PVR: variants seen among roughly 807,000 people sequenced by gnomAD.
PVR encodes PVR cell adhesion molecule.
A neutral mutation model predicts 43.3 loss-of-function variants in PVR; 39 were observed. The ratio of observed to expected loss-of-function variants is 0.90; its 90% CI spans 0.70 to 1.18. The LOEUF (loss-of-function observed/expected upper bound fraction) is 1.18. PVR is among the 50% of genes most tolerant of loss of function. The pLI, the probability that PVR is intolerant of heterozygous loss-of-function variation, is 0.00. For missense variants in PVR, 480 were observed against 549.7 expected (o/e 0.87, Z 1.27); for synonymous variants, 224 against 233.2 (o/e 0.96, Z 0.36).
At chr19:44,645,140 ATAT>A (rs1236156188) in intron 1 of PVR, among the ~76,000 whole-genome samples, 3,291 of 43,116 alleles carry the variant, frequency 0.076, 289 homozygotes, top group African/African-American at 0.22. Context: ...TATATTATAT[ATAT>A]TATTATAATA....
intron 4 of PVR, among the ~76,000 whole-genome samples, chr19:44,655,035 G>T (rs1471045177): frequency 1.3e-5 from 2 of 152,176 alleles, no homozygotes; most frequent in African/African-American, 4.8e-5. Flanking sequence ...AAGGCAAAGA[G>T]ATAATACATA....
In PVR at chr19:44,647,372, G is replaced by A. The variant is rs558066119; in HGVS notation, c.229G>A (p.Val77Ile). 7 of 1,613,920 alleles carry A rather than the reference G, an allele frequency of 4.3e-6. No homozygotes were observed. Among genetic ancestry groups the A allele is most frequent in the South Asian group, 3.3e-5 (3 of 91,042 alleles). The change falls in exon 2 of 8, where the codon GTC becomes ATC. Residue 77 changes from valine (V) to isoleucine (I), a missense_variant. Val to Ile is a conservative substitution (Grantham distance 29, BLOSUM62 3). Coordinates refer to ENST00000425690, the MANE Select transcript of PVR (RefSeq NM_006505.5). ...ARHGESGSMAVFHQTQGPSYS... is the reference protein window; with the variant it reads ...ARHGESGSMAIFHQTQGPSYS... ...GCATGGTGAATCTGGCAGCATGGCC[G>A]TCTTCCACCAAACGCAGGGCCCCAG...
Position 44,663,149 on chromosome 19 carries a change from C to T in PVR, c.*1338C>T, listed in dbSNP as rs1973628847. ...TGCTCAGGACACGCTCCTATAGGAC[C>T]AAGATGGATGCGACCCAAGACCCAG... is the stretch of plus-strand genomic sequence containing the variant. On this transcript the variant is annotated 3_prime_UTR_variant, in exon 8 of 8. Coordinates refer to ENST00000425690, the MANE Select transcript of PVR (RefSeq NM_006505.5). 1 of 152,342 alleles carries T rather than the reference C, an allele frequency of 6.6e-6. No homozygotes were observed. Among genetic ancestry groups the T allele is most frequent in the South Asian group, 2.1e-4 (1 of 4,818 alleles). The allele number at this position is 152,342 out of a possible 1,614,324, so 9.4% of individuals were successfully genotyped here.
chr19:44,647,222 G>C lies in PVR; in HGVS notation c.80-1G>C. The C allele has an allele frequency of 6.5e-7, 1 of 1,535,414 alleles. No individual in the cohort carries two copies. On this transcript the variant is annotated splice_acceptor_variant, in intron 1 of 7. Coordinates refer to ENST00000425690, the MANE Select transcript of PVR (RefSeq NM_006505.5). LOFTEE classifies it high-confidence loss of function. The stretch of plus-strand genomic sequence containing the variant: ...GACACCTTCTCTTCGGTTCTCCGCA[G>C]GGGACGTCGTCGTGCAGGCGCCCAC...
intron 4 of PVR, among the ~76,000 whole-genome samples, chr19:44,655,357 G>A (rs547463347): frequency 1.1e-4 from 17 of 152,172 alleles, no homozygotes; most frequent in Non-Finnish European, 2.5e-4. Flanking sequence ...CTAAAGTGCT[G>A]GGATTACAGG....
chr19:44,659,634 T>C (rs1973543620), intron 6 of PVR, among the ~76,000 whole-genome samples: 1 of 151,976 alleles, frequency 6.6e-6, no homozygotes, highest in Non-Finnish European at 1.5e-5. Flanking sequence ...AGGCACGCAC[T>C]ACTATGCCCA....
chr19:44,647,645 CG>C (rs1226388737), intron 2 of PVR, 75 bp downstream of exon 2: 5 of 1,072,172 alleles, frequency 4.7e-6, no homozygotes, highest in Non-Finnish European at 6.2e-6. Context: ...TGGCAAAGAG[CG>C]GGGAGGCCTG....
chr19:44,647,009 C>T (rs1973135678), intron 1 of PVR, among the ~76,000 whole-genome samples: 1 of 152,202 alleles, frequency 6.6e-6, no homozygotes, highest in Non-Finnish European at 1.5e-5. Context: ...AGGAGCACGG[C>T]CAAGTTGCAG....
rs997295816 is a variant in PVR, at chr19:44,659,970, A to C, written c.1150+1070A>C. ...AAGCTTTTCCTTCAACCACTAAACA[A>C]AGCTGCTCCCTTACAACCCAGGCGG... On this transcript the variant is annotated intron_variant, in intron 6 of 7. Coordinates refer to ENST00000425690, the MANE Select transcript of PVR (RefSeq NM_006505.5). 2.0e-5 allele frequency among the ~76,000 whole-genome samples: 3 copies of C among 152,184 alleles called. No homozygotes were observed. In the East Asian group the frequency reaches 5.8e-4, roughly 29 times the overall value.
rs10421291 is a variant in PVR, at chr19:44,647,491, G to A, written c.348G>A (p.Glu116=). 13,863 of 1,614,064 alleles carry A rather than the reference G, an allele frequency of 8.6e-3. 1,025 individuals are homozygous for A. The African/African-American group carries it at 0.15, about 18-fold the overall frequency. The change falls in exon 2 of 8, where the codon GAG becomes GAA. Residue 116 remains glutamate (E), a synonymous_variant. Coordinates refer to ENST00000425690, the MANE Select transcript of PVR (RefSeq NM_006505.5). The part of the protein sequence containing the change: ...ASLRMFGLRV[E]DEGNYTCLFV... ...TGAGGATGTTCGGGTTGCGCGTAGAGGATGAAGGCAACTACACCTGCCTGT... is the reference window on the plus strand; with the variant it reads ...TGAGGATGTTCGGGTTGCGCGTAGAAGATGAAGGCAACTACACCTGCCTGT...
At chr19:44,653,814 C>A (rs903110482) in intron 3 of PVR, 86 bp from the exon 4 acceptor site, 79 of 907,242 alleles carry the variant, frequency 8.7e-5, no homozygotes, top group Non-Finnish European at 1.4e-4. Context: ...ATCCCCGGGC[C>A]TTTTCCTGCA....
Position 44,663,601 on chromosome 19 carries a change from G to A in PVR, c.*1790G>A, listed in dbSNP as rs952654226. On this transcript the variant is annotated 3_prime_UTR_variant, in exon 8 of 8. Coordinates refer to ENST00000425690, the MANE Select transcript of PVR (RefSeq NM_006505.5). ...TACCTCCAGCGGCTGTGTGCAATGG[G>A]GTCTTTTGTGGAAATCAAGGAGCAG... is the stretch of plus-strand genomic sequence containing the variant. The A allele has an allele frequency of 1.3e-5, 2 of 152,130 alleles. No individual in the cohort carries two copies. Among genetic ancestry groups the A allele is most frequent in the South Asian group, 2.1e-4 (1 of 4,830 alleles). 9.4% of individuals were successfully genotyped at this position (152,130 alleles called of 1,614,324 possible).
chr19:44,653,595 A>G (rs184932794), intron 3 of PVR: 37 of 291,626 alleles, frequency 1.3e-4, no homozygotes, highest in Admixed American at 2.5e-4. Context: ...GTCATTGCCT[A>G]TGAGTGAGAA....
intron 2 of PVR, 65 bp downstream of exon 2, chr19:44,647,635 T>C: frequency 4.4e-6 from 6 of 1,368,308 alleles, no homozygotes; most frequent in Non-Finnish European, 5.9e-6. Flanking sequence ...TCAGGGAAGT[T>C]GGCAAAGAGC....
In PVR at chr19:44,649,947, C is replaced by T. The variant is rs561763868; in HGVS notation, c.566C>T (p.Thr189Met). 108 of 1,610,048 alleles carry T rather than the reference C, an allele frequency of 6.7e-5. 1 individual carries two copies. The highest frequency in any genetic ancestry group is 6.3e-4 in the South Asian group (57 of 90,710). ...TCAGACCTGGGCGGGATGCCCAATA[C>T]GAGCCAGGTGCCAGGGTTCCTGTCT... ...WHSDLGGMPN[T>M]SQVPGFLSGT... Residue 189 changes from threonine to methionine, a missense_variant, in exon 3 of 8, where the codon ACG (threonine) becomes ATG (methionine). By Grantham distance (81) the Thr-to-Met change is moderately conservative. Transcript: ENST00000425690.
At chr19:44,644,310 G>T (rs113672371) in intron 1 of PVR, 135 bp downstream of exon 1, 3 of 646,102 alleles carry the variant, frequency 4.6e-6, no homozygotes, top group Admixed American at 4.0e-5. Flanking sequence ...CTGCCCCGGG[G>T]TTGGAAGGAA....
chr19:44,650,755 G>T (rs1266696340), intron 3 of PVR, among the ~76,000 whole-genome samples: 2 of 151,800 alleles, frequency 1.3e-5, no homozygotes, highest in Non-Finnish European at 2.9e-5. Context: ...TAGAGACAGG[G>T]TTTCATCATG....
At chr19:44,657,458 A>G (rs1159868575) in intron 4 of PVR, among the ~76,000 whole-genome samples, 1 of 152,190 alleles carries the variant, frequency 6.6e-6, no homozygotes, top group Non-Finnish European at 1.5e-5. Context: ...GGGCGAGGGC[A>G]GAAACGGAGC....
At position 44,665,641 on chromosome 19, in the gene PVR, A is replaced by G. The variant is rs1479136206; in HGVS notation, c.*3830A>G. 6.3e-6 allele frequency: 1 copy of G among 158,192 alleles called. No homozygotes were observed. The highest frequency in any genetic ancestry group is 2.4e-5 in the African/African-American group (1 of 40,866). 9.8% of individuals were successfully genotyped at this position (158,192 alleles called of 1,614,324 possible). The stretch of plus-strand genomic sequence containing the variant: ...AAGAGTGAGACTCTGTCTCCAAAAA[A>G]AAAAAAAAAAAAAAAAAAACTGGAT... On this transcript the variant is annotated 3_prime_UTR_variant, in exon 8 of 8. Coordinates refer to ENST00000425690, the MANE Select transcript of PVR (RefSeq NM_006505.5).
Sources: allele counts gnomAD v4.1 joint callset (sites outside exome capture counted in the v4.1 genomes callset), GRCh38; gene constraint gnomAD v4.1.1; transcripts MANE v1.5; gene names NCBI Gene and HGNC (gene_info 2026-07-23, HGNC 2026-07-21).